SMYD2: variants seen among roughly 807,000 people sequenced by gnomAD.
SMYD2 encodes N-lysine methyltransferase SMYD2.
In SMYD2, 53 loss-of-function variants were observed where a neutral mutation model predicts 59.1. The ratio of observed to expected loss-of-function variants is 0.90; its 90% CI spans 0.72 to 1.13. The LOEUF (loss-of-function observed/expected upper bound fraction) is 1.13, where lower values mean the gene tolerates loss of function less well. Ranked by LOEUF, SMYD2 falls within the 50% of genes most tolerant of loss-of-function variation. The pLI is 0.00. For missense variants in SMYD2, 494 were observed against 544.7 expected, an observed-to-expected ratio of 0.91 and a Z score of 0.93; for synonymous variants, 208 against 198.8, an observed-to-expected ratio of 1.05 and a Z score of -0.39.
rs529880540 is a variant in SMYD2, at chr1:214,301,057, T to G, written c.174-4130T>G. Among the ~76,000 whole-genome samples the G allele has an allele frequency of 3.9e-5, 6 of 152,338 alleles. No individual in the cohort carries two copies. The East Asian group carries it at 7.7e-4, about 20-fold the overall frequency. On this transcript the variant is annotated intron_variant, in intron 1 of 11. Coordinates refer to ENST00000366957, the MANE Select transcript of SMYD2 (RefSeq NM_020197.3). ...TAACATTTTTCTGTGAGAAATATCT[T>G]CCAAAACAAAAGAATTACTGAGAAT...
intron 1 of SMYD2, among the ~76,000 whole-genome samples, chr1:214,300,808 A>G (rs1571923027): frequency 6.6e-6 from 1 of 152,176 alleles, no homozygotes; most frequent in East Asian, 1.9e-4. Flanking sequence ...CTTCATTTGA[A>G]AAATAGGAAT....
intron 1 of SMYD2, among the ~76,000 whole-genome samples, chr1:214,301,769 T>TAAAAAAAAAAAAAAAAAAAAAAAAAA (rs56102481): frequency 7.5e-6 from 1 of 133,374 alleles, no homozygotes; most frequent in Non-Finnish European, 1.6e-5. Flanking sequence ...TCTTTCAAGT[T>TAAAAAAAAAAAAAAAAAAAAAAAAAA]AAAAAAAAAA....
intron 1 of SMYD2, among the ~76,000 whole-genome samples, chr1:214,302,848 C>T (rs1044157932): frequency 6.6e-6 from 1 of 152,106 alleles, no homozygotes; most frequent in Non-Finnish European, 1.5e-5. Context: ...CTGTATTAAT[C>T]CTTGCTTTTT....
chr1:214,296,746 A>G (rs137943531), intron 1 of SMYD2, among the ~76,000 whole-genome samples: 2 of 151,156 alleles, frequency 1.3e-5, no homozygotes, highest in East Asian at 3.9e-4. Context: ...GCCCAAGATC[A>G]CATAGTACAT....
chr1:214,334,436 C>CGTG, intron 11 of SMYD2, 128 bp downstream of exon 11: 1 of 842,278 alleles, frequency 1.2e-6, no homozygotes, highest in Admixed American at 2.1e-5. Flanking sequence ...ACCCTCTTGC[C>CGTG]GTGGGAGCAG....
At chr1:214,284,717 T>A (rs1417473178) in intron 1 of SMYD2, among the ~76,000 whole-genome samples, 1 of 152,132 alleles carries the variant, frequency 6.6e-6, no homozygotes, top group Non-Finnish European at 1.5e-5. Flanking sequence ...GGTTTCATCA[T>A]GTTGGCCAGG....
intron 1 of SMYD2, among the ~76,000 whole-genome samples, chr1:214,286,642 C>T (rs191966990): frequency 2.5e-4 from 37 of 150,822 alleles, no homozygotes; most frequent in African/African-American, 8.8e-4. Context: ...GTAGTATAGT[C>T]CCAACTACTT....
intron 2 of SMYD2, among the ~76,000 whole-genome samples, chr1:214,310,023 G>C (rs1039501520): frequency 1.3e-5 from 2 of 152,176 alleles, no homozygotes; most frequent in African/African-American, 4.8e-5. Flanking sequence ...TGTACAGGTA[G>C]GCTGTGTTTG....
rs60335906 is a variant in SMYD2, at chr1:214,303,899, A to G, written c.174-1288A>G. On this transcript the variant is annotated intron_variant, in intron 1 of 11. Coordinates refer to ENST00000366957, the MANE Select transcript of SMYD2 (RefSeq NM_020197.3). The stretch of plus-strand genomic sequence containing the variant: ...CGCTTCGTGCTGTCGGTATCTCCAC[A>G]AGTCCAGAAGCTGGCTTCACCGGGG... Among the ~76,000 whole-genome samples the G allele has an allele frequency of 1.0e-3, 156 of 152,336 alleles. 1 individual carries two copies. Among genetic ancestry groups the G allele is most frequent in the African/African-American group, 3.5e-3 (147 of 41,574 alleles).
At chr1:214,285,708 G>A (rs2102451435) in intron 1 of SMYD2, among the ~76,000 whole-genome samples, 2 of 152,170 alleles carry the variant, frequency 1.3e-5, no homozygotes, top group South Asian at 4.2e-4. Flanking sequence ...GTACATTAAT[G>A]CATAACTTAA....
At chr1:214,319,367 A>C (rs1657134954) in intron 5 of SMYD2, among the ~76,000 whole-genome samples, 1 of 152,142 alleles carries the variant, frequency 6.6e-6, no homozygotes, top group Non-Finnish European at 1.5e-5. Context: ...TTCTATCTGT[A>C]GTGTTTTTTC....
intron 1 of SMYD2, among the ~76,000 whole-genome samples, chr1:214,295,608 T>C (rs1188260287): frequency 6.6e-6 from 1 of 152,188 alleles, no homozygotes; most frequent in Non-Finnish European, 1.5e-5. Context: ...CCCAAGAGGA[T>C]GCGGGCTCTA....
intron 1 of SMYD2, among the ~76,000 whole-genome samples, chr1:214,284,796 G>A (rs1230109497): frequency 1.3e-5 from 2 of 152,154 alleles, no homozygotes; most frequent in South Asian, 4.1e-4. Flanking sequence ...GATTACAGGC[G>A]TGAGCCACCG....
At chr1:214,310,813 T>A (rs924199810) in intron 2 of SMYD2, among the ~76,000 whole-genome samples, 1 of 152,216 alleles carries the variant, frequency 6.6e-6, no homozygotes, top group African/African-American at 2.4e-5. Flanking sequence ...GTTGCCGCTG[T>A]CAGGTTCTTT....
intron 1 of SMYD2, among the ~76,000 whole-genome samples, chr1:214,295,396 A>C (rs961327870): frequency 8.7e-6 from 1 of 114,534 alleles, no homozygotes; most frequent in Non-Finnish European, 1.9e-5. Context: ...AAGCTTCATG[A>C]ATTTTTTTTG....
chr1:214,328,062 T>C (rs373262277), intron 7 of SMYD2, among the ~76,000 whole-genome samples: 11 of 152,216 alleles, frequency 7.2e-5, no homozygotes, highest in East Asian at 3.8e-4. Flanking sequence ...AGTCAAACTT[T>C]TGATTATCTT....
chr1:214,318,175 A>G lies in SMYD2; in HGVS notation c.409+36A>G, dbSNP rs1437762905. The G allele has an allele frequency of 6.2e-7, 1 of 1,600,440 alleles. No individual in the cohort carries two copies. The highest frequency in any genetic ancestry group is 1.7e-5 in the Admixed American group (1 of 59,054). ...CTGTGACCAGCCGCGCAGTTCTCTC[A>G]GCCACAGATTTCACATGGGTTGGGC... On this transcript the variant is annotated intron_variant, in intron 4 of 11. Transcript: ENST00000366957. This position sits in a 1 kb window ranked among gnomAD's most constrained non-coding sequence, Gnocchi z 5.4.
chr1:214,287,809 G>GA (rs1162691894), intron 1 of SMYD2, among the ~76,000 whole-genome samples: 3 of 151,986 alleles, frequency 2.0e-5, no homozygotes, highest in East Asian at 1.9e-4. Context: ...CTTTTAATAA[G>GA]AAAAAACAAA....
chr1:214,286,152 C>T (rs1656534376), intron 1 of SMYD2, among the ~76,000 whole-genome samples: 1 of 152,162 alleles, frequency 6.6e-6, no homozygotes, highest in South Asian at 2.1e-4. Context: ...ATCACTTAAC[C>T]TCTCTGAACT....
Sources: gnomAD v4.1 joint callset for allele counts (sites outside exome capture counted in the v4.1 genomes callset) on GRCh38, gnomAD v4.1.1 for gene constraint, Gnocchi (gnomAD v3.1) non-coding constraint, MANE v1.5 for transcripts, NCBI Gene and HGNC (gene_info 2026-07-23, HGNC 2026-07-21) for gene names.